The following ASCC3 variants were observed in gnomAD, a reference collection of about 807,000 sequenced individuals.
ASCC3 encodes the protein ASC-1 complex subunit P200.
Under a neutral mutation model 256.3 loss-of-function variants are expected in ASCC3, and 158 were observed. That is an observed-to-expected ratio of 0.62 (90% confidence interval 0.54 to 0.70). The LOEUF is 0.70. Ranked by LOEUF, ASCC3 falls within the 30% of genes least tolerant of loss-of-function variation. ASCC3 has a pLI of 0.00. For synonymous variants in ASCC3, 948 were observed against 883.4 expected (o/e 1.07, Z -1.30); for missense variants, 2,259 against 2,626.0 (o/e 0.86, Z 3.05).
chr6:100,625,503 T>C (rs776070982), intron 29 of ASCC3, among the ~76,000 whole-genome samples, 169 bp from the exon 30 acceptor site: 2 of 151,984 alleles, frequency 1.3e-5, no homozygotes, highest in African/African-American at 4.8e-5. Flanking sequence ...AGACAGATAA[T>C]AGGAAAAGAA....
chr6:100,768,400 T>C (rs1781766141), intron 8 of ASCC3, among the ~76,000 whole-genome samples: 1 of 152,106 alleles, frequency 6.6e-6, no homozygotes. Context: ...AAAACACTGG[T>C]TGGGATTACT....
intron 36 of ASCC3, among the ~76,000 whole-genome samples, chr6:100,583,642 A>G (rs1215715739): frequency 6.6e-6 from 1 of 151,938 alleles, no homozygotes; most frequent in Middle Eastern, 3.4e-3. Context: ...TTTGAATGTG[A>G]TTGCTCTTGC....
chr6:100,733,224 G>A (rs116233050), intron 10 of ASCC3, among the ~76,000 whole-genome samples: 98 of 152,156 alleles, frequency 6.4e-4, no homozygotes, highest in African/African-American at 2.2e-3. Flanking sequence ...CTTTAAGAGC[G>A]GTTTCTTCTA....
At chr6:100,769,034 G>A (rs1179102372) in intron 8 of ASCC3, among the ~76,000 whole-genome samples, 2 of 151,916 alleles carry the variant, frequency 1.3e-5, no homozygotes, top group East Asian at 3.9e-4. Flanking sequence ...TTAACTGAAG[G>A]GAAATAAAAA....
At chr6:100,713,828 A>C (rs1409809053) in intron 13 of ASCC3, among the ~76,000 whole-genome samples, 3 of 152,182 alleles carry the variant, frequency 2.0e-5, no homozygotes, top group East Asian at 3.8e-4. Flanking sequence ...CTTAGCTAAC[A>C]ATATAGTTTA....
intron 14 of ASCC3, among the ~76,000 whole-genome samples, chr6:100,674,261 T>C (rs1309038242): frequency 1.3e-5 from 2 of 152,026 alleles, no homozygotes; most frequent in African/African-American, 4.8e-5. Context: ...TTGATGAATA[T>C]ATATTACATA....
At chr6:100,768,128 C>CT (rs1325347171) in intron 8 of ASCC3, among the ~76,000 whole-genome samples, 1 of 151,962 alleles carries the variant, frequency 6.6e-6, no homozygotes, top group African/African-American at 2.4e-5. Context: ...ATAAAAAAAC[C>CT]TTTTTTTAAA....
chr6:100,805,742 C>T lies in ASCC3; in HGVS notation c.922+18G>A. 1.2e-6 allele frequency: 2 copies of T among 1,607,702 alleles called. No individual in the cohort carries two copies. Among genetic ancestry groups the T allele is most frequent in the South Asian group, 1.1e-5 (1 of 90,808 alleles). ...AATATTTCCTTTAAATTACAATGAC[C>T]ACTGCATACTTTCTTACCTTGAAGA... is the stretch of plus-strand genomic sequence containing the variant. On this transcript the variant is annotated intron_variant, in intron 5 of 41. Transcript: ENST00000369162.
chr6:100,865,223 T>A (rs1031355878), intron 2 of ASCC3, among the ~76,000 whole-genome samples: 4 of 152,204 alleles, frequency 2.6e-5, no homozygotes, highest in African/African-American at 9.6e-5. Flanking sequence ...CTCTTTACTT[T>A]TGTATATGTT....
At chr6:100,532,335 CGTGTGTGTGTGT>C (rs3073701) in intron 37 of ASCC3, among the ~76,000 whole-genome samples, 10 of 99,800 alleles carry the variant, frequency 1.0e-4, no homozygotes, top group Non-Finnish European at 1.5e-4. Flanking sequence ...TGCTATCTTG[CGTGTGTGTGTGT>C]GTGTGTGTGT....
At chr6:100,783,426 G>C (rs1163491323) in intron 8 of ASCC3, among the ~76,000 whole-genome samples, 1 of 152,130 alleles carries the variant, frequency 6.6e-6, no homozygotes, top group Admixed American at 6.6e-5. Context: ...TTAACTGCAA[G>C]CCTAAATCAC....
At chr6:100,664,511 T>C (rs1394585835) in intron 14 of ASCC3, among the ~76,000 whole-genome samples, 1 of 151,830 alleles carries the variant, frequency 6.6e-6, no homozygotes, top group African/African-American at 2.4e-5. Context: ...CTCTTAAGGG[T>C]CCAAAACAAA....
chr6:100,642,040 CATT>C (rs1775147457), intron 24 of ASCC3, among the ~76,000 whole-genome samples: 1 of 151,334 alleles, frequency 6.6e-6, no homozygotes, highest in African/African-American at 2.4e-5. Flanking sequence ...GGAGGGATAG[CATT>C]AGGTGATATA....
At chr6:100,723,889 TA>T (rs1562251385) in intron 11 of ASCC3, among the ~76,000 whole-genome samples, 97 of 136,638 alleles carry the variant, frequency 7.1e-4, no homozygotes, top group Middle Eastern at 3.8e-3. Flanking sequence ...TATATATATA[TA>T]TATATATTTA....
chr6:100,722,457 T>C (rs1329490164), intron 11 of ASCC3, among the ~76,000 whole-genome samples: 4 of 151,670 alleles, frequency 2.6e-5, no homozygotes, highest in South Asian at 2.1e-4. Context: ...ATAGTTGAAA[T>C]TGAAAAAGAA....
chr6:100,816,528 C>T (rs1562317569), intron 4 of ASCC3, among the ~76,000 whole-genome samples: 4 of 152,212 alleles, frequency 2.6e-5, no homozygotes, highest in South Asian at 2.1e-4. Flanking sequence ...CATTGGTAGA[C>T]TGGACAATGA....
At chr6:100,515,919 T>C (rs1189793499) in intron 39 of ASCC3, among the ~76,000 whole-genome samples, 1 of 152,190 alleles carries the variant, frequency 6.6e-6, no homozygotes, top group Non-Finnish European at 1.5e-5. Context: ...ATTACTGTCA[T>C]TATTTTTAGT....
intron 36 of ASCC3, among the ~76,000 whole-genome samples, chr6:100,545,632 C>T (rs1775685495): frequency 6.6e-6 from 1 of 152,200 alleles, no homozygotes; most frequent in Non-Finnish European, 1.5e-5. Context: ...ACTCTTGTCG[C>T]CCAGGCTGAA....
At position 100,733,570 on chromosome 6, in the gene ASCC3, A is replaced by G. The variant is rs1007926996; in HGVS notation, c.1738-7867T>C. On this transcript the variant is annotated intron_variant, in intron 10 of 41. Coordinates refer to ENST00000369162, the MANE Select transcript of ASCC3 (RefSeq NM_006828.4). ...GCCGATGCCCAATCTTGAACTTTCC[A>G]GCCACCAGAATTATGAGCCAAATAA... Among the ~76,000 whole-genome samples, 12 of 152,292 alleles carry G rather than the reference A, an allele frequency of 7.9e-5. No individual in the cohort carries two copies. In the East Asian group the frequency reaches 1.4e-3, roughly 17 times the overall value.
Sources: gnomAD v4.1 joint callset for allele counts (sites outside exome capture counted in the v4.1 genomes callset) on GRCh38, gnomAD v4.1.1 for gene constraint, MANE v1.5 for transcripts, NCBI Gene and HGNC (gene_info 2026-07-23, HGNC 2026-07-21) for gene names.